The following TYW1B variants were observed in gnomAD, a reference collection of about 807,000 sequenced individuals.
TYW1B encodes S-adenosyl-L-methionine-dependent tRNA 4-demethylwyosine synthase TYW1B.
TYW1B carries 73 observed loss-of-function variants against 86.9 expected under a neutral mutation model. The ratio of observed to expected loss-of-function variants is 0.84; its 90% CI spans 0.70 to 1.02. The LOEUF (loss-of-function observed/expected upper bound fraction) is 1.02. Among genes scored for constraint, TYW1B ranks in the 50% least tolerant of loss-of-function variants. The pLI, the probability that TYW1B is intolerant of heterozygous loss-of-function variation, is 0.00. For synonymous variants in TYW1B, 248 were observed against 292.8 expected (o/e 0.85, Z 1.56); for missense variants, 637 against 827.4 (o/e 0.77, Z 2.82).
intron 12 of TYW1B, among the ~76,000 whole-genome samples, chr7:72,627,170 G>C (rs1440603236): frequency 6.6e-6 from 1 of 152,016 alleles, no homozygotes; most frequent in African/African-American, 2.4e-5. Context: ...TCTCAGGCCC[G>C]GCGCGGTAGT....
chr7:72,726,637 T>G (rs1460215136), intron 9 of TYW1B, among the ~76,000 whole-genome samples: 1 of 152,168 alleles, frequency 6.6e-6, no homozygotes, highest in Non-Finnish European at 1.5e-5. Context: ...GTCCTGGGAT[T>G]ACAAGCGTGA....
chr7:72,659,433 C>A (rs1813279626), intron 11 of TYW1B, among the ~76,000 whole-genome samples: 1 of 152,122 alleles, frequency 6.6e-6, no homozygotes, highest in African/African-American at 2.4e-5. Flanking sequence ...CAAAAATGAG[C>A]CAGGCGTGGT....
At chr7:72,667,310 T>C (rs1363322635) in intron 11 of TYW1B, among the ~76,000 whole-genome samples, 1 of 152,170 alleles carries the variant, frequency 6.6e-6, no homozygotes, top group African/African-American at 2.4e-5. Flanking sequence ...CATGTTTTTG[T>C]TTAAAATGCT....
rs373487433 is a variant in TYW1B at position 72,729,061 on chromosome 7, G to A, written c.1083-130C>T. The A allele has an allele frequency of 8.0e-4, 585 of 734,552 alleles. 6 individuals are homozygous for A. The South Asian group carries it at 8.5e-3, about 11-fold the overall frequency. The allele number at this position is 734,552 out of a possible 1,614,324, so 45.5% of individuals were successfully genotyped here. ...GGTTTCCTCCTCAGAGTTCAACCACGTATAGTGGTATTTTCCAACTTATTT... is the reference window on the plus strand; with the variant it reads ...GGTTTCCTCCTCAGAGTTCAACCACATATAGTGGTATTTTCCAACTTATTT... On this transcript the variant is annotated intron_variant, in intron 8 of 13. Coordinates refer to ENST00000620995, the MANE Select transcript of TYW1B (RefSeq NM_001145440.3).
chr7:72,772,056 C>T (rs1233160669), intron 7 of TYW1B, among the ~76,000 whole-genome samples: 3 of 151,680 alleles, frequency 2.0e-5, no homozygotes, highest in African/African-American at 7.3e-5. Context: ...ACCATGTTGG[C>T]CAGGCTGGTC....
intron 10 of TYW1B, among the ~76,000 whole-genome samples, chr7:72,704,360 G>T: frequency 6.6e-6 from 1 of 151,236 alleles, no homozygotes; most frequent in East Asian, 1.9e-4. Context: ...CTTGAACCTG[G>T]GAGGTGGAGG....
At position 72,716,842 on chromosome 7, in the gene TYW1B, G is replaced by A. The variant is rs568351525; in HGVS notation, c.1193-3044C>T. The stretch of plus-strand genomic sequence containing the variant: ...TTTTTGTATTTTTAGTAGAGATGGG[G>A]TTTCACTATGTTGGCCCGCCTCAGC... On this transcript the variant is annotated intron_variant, in intron 9 of 13. Coordinates refer to ENST00000620995, the MANE Select transcript of TYW1B (RefSeq NM_001145440.3). 2.0e-5 allele frequency among the ~76,000 whole-genome samples: 3 copies of A among 149,890 alleles called. No individual in the cohort carries two copies. In the South Asian group the frequency reaches 6.4e-4, roughly 32 times the overall value.
At chr7:72,641,264 A>G (rs1232891972) in intron 11 of TYW1B, among the ~76,000 whole-genome samples, 6 of 152,116 alleles carry the variant, frequency 3.9e-5, no homozygotes, top group African/African-American at 1.4e-4. Context: ...ACAATCAAAA[A>G]ACTCCCAACA....
intron 8 of TYW1B, among the ~76,000 whole-genome samples, chr7:72,738,074 A>G (rs1321691177): frequency 9.5e-6 from 1 of 105,260 alleles, no homozygotes; most frequent in African/African-American, 3.7e-5. Flanking sequence ...GCGCCTGGCC[A>G]TATTTCTTTC....
At chr7:72,699,016 T>C (rs1326272660) in intron 10 of TYW1B, among the ~76,000 whole-genome samples, 3 of 152,192 alleles carry the variant, frequency 2.0e-5, no homozygotes, top group Non-Finnish European at 2.9e-5. Context: ...CAGCCCTTAA[T>C]ATTTACATTC....
chr7:72,720,733 A>G (rs1278135642), intron 9 of TYW1B, among the ~76,000 whole-genome samples: 1 of 152,148 alleles, frequency 6.6e-6, no homozygotes, highest in East Asian at 1.9e-4. Context: ...CAGAAATTGA[A>G]ACAGCCTCTA....
Position 72,828,174 on chromosome 7 carries a change from C to G in TYW1B, c.-99G>C, listed in dbSNP as rs1788979513. On this transcript the variant is annotated 5_prime_UTR_variant, in exon 1 of 14. Coordinates refer to ENST00000620995, the MANE Select transcript of TYW1B (RefSeq NM_001145440.3). ...GCACCGAGCTACCTCGCGGCGTTAG[C>G]GCCGTACCGAGTGGCTGCAGAACTG... 2 of 1,581,182 alleles carry G rather than the reference C, an allele frequency of 1.3e-6. No homozygotes were observed. The highest frequency in any genetic ancestry group is 1.7e-6 in the Non-Finnish European group (2 of 1,162,808).
intron 7 of TYW1B, among the ~76,000 whole-genome samples, chr7:72,760,856 C>A (rs1787674755): frequency 6.6e-6 from 1 of 152,156 alleles, no homozygotes; most frequent in Admixed American, 6.6e-5. Context: ...CAGCCTACAA[C>A]AGAATGATCT....
At chr7:72,787,773 AAAAAAG>A (rs1375769749) in intron 6 of TYW1B, among the ~76,000 whole-genome samples, 1 of 143,550 alleles carries the variant, frequency 7.0e-6, no homozygotes, top group African/African-American at 2.5e-5. Flanking sequence ...CCATCTCCAA[AAAAAAG>A]AAAAAGTAAT....
chr7:72,712,728 C>A (rs532388490), intron 10 of TYW1B, among the ~76,000 whole-genome samples: 85 of 152,290 alleles, frequency 5.6e-4, no homozygotes, highest in African/African-American at 1.9e-3. Context: ...TAGGCTCCTG[C>A]TGCTTCTTGT....
At chr7:72,619,084 TC>T (rs1812151872) in intron 12 of TYW1B, among the ~76,000 whole-genome samples, 1 of 152,274 alleles carries the variant, frequency 6.6e-6, no homozygotes, top group Admixed American at 6.5e-5. Context: ...TTTCCAGATC[TC>T]CCCTTTCCTT....
chr7:72,767,141 T>C (rs1190368467), intron 7 of TYW1B, among the ~76,000 whole-genome samples: 6 of 151,902 alleles, frequency 3.9e-5, no homozygotes, highest in African/African-American at 1.5e-4. Flanking sequence ...AACCACAACC[T>C]TGCACAAAGG....
intron 13 of TYW1B, among the ~76,000 whole-genome samples, chr7:72,612,876 A>G (rs368253162): frequency 9.2e-5 from 14 of 152,038 alleles, no homozygotes; most frequent in African/African-American, 2.9e-4. Flanking sequence ...TAGCCCCCTA[A>G]GTAGCTGGGA....
At chr7:72,699,733 T>G (rs548254324) in intron 10 of TYW1B, among the ~76,000 whole-genome samples, 2 of 151,726 alleles carry the variant, frequency 1.3e-5, no homozygotes, top group South Asian at 4.2e-4. Context: ...CACCACAACC[T>G]CCACCTCCCG....
Sources: gnomAD v4.1 joint callset for allele counts (sites outside exome capture counted in the v4.1 genomes callset) on GRCh38, gnomAD v4.1.1 for gene constraint, MANE v1.5 for transcripts, NCBI Gene and HGNC (gene_info 2026-07-23, HGNC 2026-07-21) for gene names.